The following PLXDC2 variants were observed in gnomAD, a reference collection of about 807,000 sequenced individuals.
The protein encoded by PLXDC2 is plexin domain containing 2, also known as plexin domain-containing protein 2.
In PLXDC2, 40 loss-of-function variants were observed where a neutral mutation model predicts 68.9. The ratio of observed to expected loss-of-function variants is 0.58; its 90% CI spans 0.45 to 0.76. The LOEUF (loss-of-function observed/expected upper bound fraction) is 0.76, where lower values mean the gene tolerates loss of function less well. PLXDC2 is among the 30% of genes least tolerant of loss of function. The probability of loss-of-function intolerance (pLI) is 0.00; values close to 1 mark genes in which losing one functional copy is unlikely to be tolerated. For synonymous variants in PLXDC2, 243 were observed against 234.2 expected, an observed-to-expected ratio of 1.04 and a Z score of -0.34; for missense variants, 644 against 661.9, an observed-to-expected ratio of 0.97 and a Z score of 0.30.
intron 1 of PLXDC2, among the ~76,000 whole-genome samples, chr10:19,826,513 CTG>C (rs1410305660): frequency 6.6e-6 from 1 of 152,106 alleles, no homozygotes. Context: ...ACTTTGAAAA[CTG>C]TGGATGCCCT....
At chr10:20,156,101 T>G (rs1834213856) in intron 6 of PLXDC2, among the ~76,000 whole-genome samples, 1 of 152,114 alleles carries the variant, frequency 6.6e-6, no homozygotes, top group Non-Finnish European at 1.5e-5. Context: ...CTCCTTTCTT[T>G]TCCCTTGATG....
intron 13 of PLXDC2, among the ~76,000 whole-genome samples, chr10:20,269,005 G>C (rs559720218): frequency 6.6e-6 from 1 of 152,258 alleles, no homozygotes; most frequent in Admixed American, 6.5e-5. Context: ...TATGAACTAA[G>C]GCTAATGCTG....
chr10:19,993,306 G>A (rs1834781270), intron 1 of PLXDC2, among the ~76,000 whole-genome samples: 1 of 138,566 alleles, frequency 7.2e-6, no homozygotes, highest in South Asian at 2.2e-4. Context: ...CCATAGGATA[G>A]TATATCATAA....
At chr10:20,062,804 T>C (rs1233106416) in intron 3 of PLXDC2, among the ~76,000 whole-genome samples, 2 of 152,116 alleles carry the variant, frequency 1.3e-5, no homozygotes, top group African/African-American at 4.8e-5. Flanking sequence ...AGGTATATGG[T>C]GTTTATTGAA....
chr10:20,091,407 T>A (rs924184398), intron 4 of PLXDC2, among the ~76,000 whole-genome samples: 1 of 152,210 alleles, frequency 6.6e-6, no homozygotes, highest in Non-Finnish European at 1.5e-5. Flanking sequence ...ATGCAAAATG[T>A]TTTCTACATA....
chr10:20,264,135 T>C (rs1835842613), intron 13 of PLXDC2, among the ~76,000 whole-genome samples: 1 of 152,024 alleles, frequency 6.6e-6, no homozygotes, highest in African/African-American at 2.4e-5. Flanking sequence ...TATGCAGCCA[T>C]AAAAAAGAAC....
intron 1 of PLXDC2, among the ~76,000 whole-genome samples, chr10:19,953,878 T>A (rs777430027): frequency 6.6e-6 from 1 of 152,200 alleles, no homozygotes. Context: ...GATGAAATGA[T>A]GTTCTTCCAA....
intron 1 of PLXDC2, among the ~76,000 whole-genome samples, chr10:19,959,793 T>G (rs967406730): frequency 3.9e-5 from 6 of 152,162 alleles, no homozygotes; most frequent in Non-Finnish European, 5.9e-5. Flanking sequence ...TTTGAAGATC[T>G]TCTATGAAGA....
rs1248530318 is a variant in PLXDC2 at position 19,817,167 on chromosome 10, G to T, written c.88G>T (p.Gly30Trp). ...FFTDQFQFAD[G>W]KPGDQILDWQ... is the part of the protein sequence containing the mutation. Reference sequence around the variant, plus strand: ...CACGGACCAGTTTCAGTTCGCCGATGGGAAACCCGGAGACCAAATCCTTGG... The same window carrying T: ...CACGGACCAGTTTCAGTTCGCCGATTGGAAACCCGGAGACCAAATCCTTGG... Residue 30 changes from glycine to tryptophan, a missense_variant, in exon 1 of 14, where the codon GGG becomes TGG. Physicochemically the swap from Gly to Trp is radical, Grantham distance 184. Transcript: ENST00000377252. 6.4e-7 allele frequency: 1 copy of T among 1,572,890 alleles called. No homozygotes were observed. Among genetic ancestry groups the T allele is most frequent in the South Asian group, 1.2e-5 (1 of 86,658 alleles).
At chr10:20,166,330 C>A (rs541182841) in intron 7 of PLXDC2, among the ~76,000 whole-genome samples, 1 of 152,170 alleles carries the variant, frequency 6.6e-6, no homozygotes, top group African/African-American at 2.4e-5. Flanking sequence ...TCCTTGTTAG[C>A]TGAGAATTTG....
intron 4 of PLXDC2, among the ~76,000 whole-genome samples, chr10:20,136,452 CTCA>C (rs1269637034): frequency 6.6e-6 from 1 of 152,114 alleles, no homozygotes; most frequent in Non-Finnish European, 1.5e-5. Context: ...GTTCTGAGAC[CTCA>C]TCAAGTTGTT....
chr10:19,936,859 C>G (rs569060841), intron 1 of PLXDC2, among the ~76,000 whole-genome samples: 1 of 152,260 alleles, frequency 6.6e-6, no homozygotes, highest in African/African-American at 2.4e-5. Flanking sequence ...TGGAAACATC[C>G]AGAGATACTT....
intron 9 of PLXDC2, among the ~76,000 whole-genome samples, chr10:20,179,148 T>G (rs990533132): frequency 6.6e-6 from 1 of 152,118 alleles, no homozygotes; most frequent in Non-Finnish European, 1.5e-5. Context: ...TGGTTTGAGC[T>G]GCATACCTAC....
chr10:20,126,168 TATACATATATGTTATATA>T (rs1833772689), intron 4 of PLXDC2, among the ~76,000 whole-genome samples: 1 of 147,052 alleles, frequency 6.8e-6, no homozygotes, highest in African/African-American at 2.5e-5. Flanking sequence ...TGTATGTATC[TATACATATATGTTATATA>T]ATACATATAT....
At chr10:19,915,955 T>C (rs1321654656) in intron 1 of PLXDC2, among the ~76,000 whole-genome samples, 3 of 152,052 alleles carry the variant, frequency 2.0e-5, no homozygotes, top group Non-Finnish European at 4.4e-5. Flanking sequence ...TATTTTTCCC[T>C]TCCCTCTATC....
Position 19,869,473 on chromosome 10 carries a change from G to A in PLXDC2, c.112+52282G>A, listed in dbSNP as rs565470909. Among the ~76,000 whole-genome samples, 667 of 127,676 alleles carry A rather than the reference G, an allele frequency of 5.2e-3. 16 individuals carry two copies. Among genetic ancestry groups the A allele is most frequent in the South Asian group, 0.017 (50 of 3,030 alleles). The allele number at this position is 127,676 out of a possible 152,430, so 83.8% of individuals were successfully genotyped here. Reference sequence around the variant, plus strand: ...AGAGAAAGAGAGAGAGAGAAAGGGGGGGGGGGGAGAGGGTGGGAGGGAGGG... The same window carrying A: ...AGAGAAAGAGAGAGAGAGAAAGGGGAGGGGGGGAGAGGGTGGGAGGGAGGG... On this transcript the variant is annotated intron_variant, in intron 1 of 13. Coordinates refer to ENST00000377252, the MANE Select transcript of PLXDC2 (RefSeq NM_032812.9).
intron 2 of PLXDC2, among the ~76,000 whole-genome samples, chr10:20,034,190 C>A (rs1490529345): frequency 6.6e-6 from 1 of 152,114 alleles, no homozygotes; most frequent in Admixed American, 6.6e-5. Context: ...TCCTTCCTGT[C>A]AAGTTTTTAA....
In PLXDC2 at chr10:20,126,709, A is replaced by AGAACACACACGT. The variant is rs1833791661; in HGVS notation, c.542-16586_542-16585insGAACACACACGT. ...TATATAACACACGTTATATATGTAT[A>AGAACACACACGT]TATAACACACACGTTATATATGTAT... is the stretch of plus-strand genomic sequence containing the variant. On this transcript the variant is annotated intron_variant, in intron 4 of 13. Transcript: ENST00000377252. 1.4e-5 allele frequency among the ~76,000 whole-genome samples: 2 copies of AGAACACACACGT among 139,376 alleles called. 1 individual carries two copies. The highest frequency in any genetic ancestry group is 3.0e-5 in the Non-Finnish European group (2 of 65,656). 91.4% of individuals were successfully genotyped at this position (139,376 alleles called of 152,430 possible). A position where few individuals can be genotyped will look rare whatever the true frequency, so the allele number is the denominator to read the frequency against.
chr10:20,099,952 C>T (rs543503602), intron 4 of PLXDC2, among the ~76,000 whole-genome samples: 113 of 152,008 alleles, frequency 7.4e-4, no homozygotes, highest in Non-Finnish European at 1.4e-3. Context: ...GTATTAGTGA[C>T]ACAAAAGAAA....
Sources: allele counts gnomAD v4.1 joint callset (sites outside exome capture counted in the v4.1 genomes callset), GRCh38; gene constraint gnomAD v4.1.1; transcripts MANE v1.5; gene names NCBI Gene and HGNC (gene_info 2026-07-23, HGNC 2026-07-21).